The following RXFP1 variants were observed in gnomAD, a reference collection of about 807,000 sequenced individuals.
The protein encoded by RXFP1 is relaxin family peptide receptor 1.
In RXFP1, 73 loss-of-function variants were observed where a neutral mutation model predicts 89.8. That is an observed-to-expected ratio of 0.81 (90% confidence interval 0.67 to 0.99). RXFP1 has a LOEUF of 0.99. RXFP1 is among the 50% of genes least tolerant of loss of function. The probability of loss-of-function intolerance (pLI) is 0.00; values close to 1 mark genes in which losing one functional copy is unlikely to be tolerated. For missense variants in RXFP1, 793 were observed against 895.5 expected (o/e 0.89, Z 1.46); for synonymous variants, 277 against 305.5 (o/e 0.91, Z 0.97).
At chr4:158,647,336 A>C in intron 16 of RXFP1, 135 bp downstream of exon 16, 1 of 675,976 alleles carries the variant, frequency 1.5e-6, no homozygotes, top group South Asian at 2.3e-5. Context: ...CTCTGATATA[A>C]ATTCCAACCT....
At chr4:158,599,263 T>A in intron 3 of RXFP1, 63 bp from the exon 4 acceptor site, 1 of 1,609,242 alleles carries the variant, frequency 6.2e-7, no homozygotes, top group Non-Finnish European at 8.5e-7. Context: ...TTCTTTCTTT[T>A]CATTACCCTC....
chr4:158,622,423 T>C (rs532352980), intron 9 of RXFP1, among the ~76,000 whole-genome samples: 56 of 152,214 alleles, frequency 3.7e-4, no homozygotes, highest in Non-Finnish European at 6.5e-4. Context: ...TTCACTCCAA[T>C]GTTCATTGCA....
intron 9 of RXFP1, among the ~76,000 whole-genome samples, chr4:158,618,312 A>G (rs1289017704): frequency 1.3e-5 from 2 of 152,134 alleles, no homozygotes; most frequent in Admixed American, 6.5e-5. Flanking sequence ...ATTTAGACAG[A>G]AGCAACTGTG....
At chr4:158,646,593 A>G in intron 15 of RXFP1, 198 bp from the exon 16 acceptor site, 1 of 1,400,544 alleles carries the variant, frequency 7.1e-7, no homozygotes, top group Non-Finnish European at 9.2e-7. Context: ...TGTAGAGAGT[A>G]ACTTTGAGAG....
intron 1 of RXFP1, among the ~76,000 whole-genome samples, chr4:158,567,220 C>T (rs373711060): frequency 4.7e-4 from 72 of 152,286 alleles, no homozygotes; most frequent in African/African-American, 1.1e-3. Context: ...GGAGCCTCCC[C>T]GACGACCATG....
At position 158,633,312 on chromosome 4, in the gene RXFP1, T is replaced by C. The variant is rs144210289; in HGVS notation, c.900-93T>C. The C allele has an allele frequency of 4.3e-3, 3,372 of 793,154 alleles. 12 individuals are homozygous for C. Among genetic ancestry groups the C allele is most frequent in the Non-Finnish European group, 5.5e-3 (2,612 of 472,248 alleles). The allele number at this position is 793,154 out of a possible 1,614,324, so 49.1% of individuals were successfully genotyped here. Reference sequence around the variant, plus strand: ...TTAATATAACTCACCAATGGCATTGTTGAAAAGTTGTATAGTGGTTTCCTA... The same window carrying C: ...TTAATATAACTCACCAATGGCATTGCTGAAAAGTTGTATAGTGGTTTCCTA... On this transcript the variant is annotated intron_variant, in intron 11 of 17. Coordinates refer to ENST00000307765, the MANE Select transcript of RXFP1 (RefSeq NM_021634.4).
In RXFP1 at chr4:158,648,518, TATC is replaced by T; in HGVS notation, c.1782_1784del (p.Ile595del). The stretch of plus-strand genomic sequence containing the variant: ...AAATAGGTATTAATTTGGCCGCATT[TATC>T]ATCATAGTTTTTTCCTATGGAAGCA... On this transcript the variant is annotated inframe_deletion, in exon 17 of 18. Transcript: ENST00000307765. 6.2e-7 allele frequency: 1 copy of T among 1,604,402 alleles called. No individual in the cohort carries two copies. The highest frequency in any genetic ancestry group is 8.5e-7 in the Non-Finnish European group (1 of 1,174,852).
chr4:158,557,766 A>T (rs1443465817), intron 1 of RXFP1, among the ~76,000 whole-genome samples: 1 of 152,240 alleles, frequency 6.6e-6, no homozygotes, highest in Admixed American at 6.5e-5. Context: ...ATTTATATCC[A>T]CATTAAGTGT....
At chr4:158,562,182 T>C (rs1752586891) in intron 1 of RXFP1, among the ~76,000 whole-genome samples, 1 of 152,144 alleles carries the variant, frequency 6.6e-6, no homozygotes, top group Admixed American at 6.5e-5. Flanking sequence ...ACACGGGTTA[T>C]TCTCACATTA....
At chr4:158,649,967 G>A (rs2150277604) in intron 17 of RXFP1, among the ~76,000 whole-genome samples, 1 of 152,308 alleles carries the variant, frequency 6.6e-6, no homozygotes, top group East Asian at 1.9e-4. Context: ...ATTCACAATA[G>A]CCAAAAGTTA....
chr4:158,643,092 C>A (rs1377333160), intron 14 of RXFP1, among the ~76,000 whole-genome samples: 1 of 152,142 alleles, frequency 6.6e-6, no homozygotes, highest in Non-Finnish European at 1.5e-5. Flanking sequence ...ATGTTGTCTG[C>A]TTCTTTATTG....
chr4:158,639,515 C>A (rs1769938038), intron 14 of RXFP1, among the ~76,000 whole-genome samples, 184 bp downstream of exon 14: 1 of 152,018 alleles, frequency 6.6e-6, no homozygotes, highest in South Asian at 2.1e-4. Flanking sequence ...GGAGGTAGGG[C>A]CTTTGGGAGG....
At chr4:158,591,282 C>T (rs1199352775) in intron 2 of RXFP1, among the ~76,000 whole-genome samples, 1 of 152,134 alleles carries the variant, frequency 6.6e-6, no homozygotes, top group Admixed American at 6.5e-5. Flanking sequence ...CTATATATGC[C>T]GACTCTTTCA....
At chr4:158,562,088 T>G (rs1327383520) in intron 1 of RXFP1, among the ~76,000 whole-genome samples, 1 of 152,194 alleles carries the variant, frequency 6.6e-6, no homozygotes, top group East Asian at 1.9e-4. Context: ...ATTGCCTGTT[T>G]TAAGTTGAAA....
chr4:158,545,531 A>G (rs1748088816), intron 1 of RXFP1, among the ~76,000 whole-genome samples: 1 of 152,150 alleles, frequency 6.6e-6, no homozygotes. Context: ...GCCCATGCCT[A>G]TGTCCTGAAT....
intron 1 of RXFP1, among the ~76,000 whole-genome samples, chr4:158,562,313 A>G (rs377051033): frequency 5.3e-5 from 8 of 151,764 alleles, no homozygotes; most frequent in East Asian, 1.9e-4. Flanking sequence ...TCACGAGGTC[A>G]GGAGATCGAG....
rs1381170535 is a variant in RXFP1 at position 158,540,892 on chromosome 4, A to G, written c.49+18867A>G. 3.9e-5 allele frequency among the ~76,000 whole-genome samples: 6 copies of G among 152,272 alleles called. No individual in the cohort carries two copies. In the East Asian group the frequency reaches 1.2e-3, roughly 29 times the overall value. On this transcript the variant is annotated intron_variant, in intron 1 of 17. Coordinates refer to ENST00000307765, the MANE Select transcript of RXFP1 (RefSeq NM_021634.4). ...CAAAAGCAGGAAAACACACTATTCA[A>G]CTTTAAATAAGCCTCTTTGATTTTG...
intron 2 of RXFP1, among the ~76,000 whole-genome samples, chr4:158,579,321 T>G (rs889739203): frequency 6.6e-6 from 1 of 152,070 alleles, no homozygotes. Context: ...CAGGCTGGAG[T>G]GCAGTAGCAC....
intron 8 of RXFP1, among the ~76,000 whole-genome samples, chr4:158,613,268 G>A (rs1580068049): frequency 6.6e-6 from 1 of 152,160 alleles, no homozygotes; most frequent in African/African-American, 2.4e-5. Context: ...GAAGCCTGGG[G>A]TGGCTGTGGC....
Sources: gnomAD v4.1 joint callset for allele counts (sites outside exome capture counted in the v4.1 genomes callset) on GRCh38, gnomAD v4.1.1 for gene constraint, MANE v1.5 for transcripts, NCBI Gene and HGNC (gene_info 2026-07-23, HGNC 2026-07-21) for gene names.